ST3GAL2: variants seen among roughly 807,000 people sequenced by gnomAD.
The protein encoded by ST3GAL2 is CMP-N-acetylneuraminate-beta-galactosamide-alpha-2,3-sialyltransferase 2.
Under a neutral mutation model 37.5 loss-of-function variants are expected in ST3GAL2, and 16 were observed. The observed-to-expected ratio is 0.43, with a 90% confidence interval of 0.29 to 0.65. The LOEUF (loss-of-function observed/expected upper bound fraction) is 0.65. Among genes scored for constraint, ST3GAL2 ranks in the 30% least tolerant of loss-of-function variants. The pLI is 0.17. For synonymous variants in ST3GAL2, 238 were observed against 202.9 expected (o/e 1.17, Z -1.47); for missense variants, 383 against 487.8 (o/e 0.79, Z 2.02).
intron 1 of ST3GAL2, among the ~76,000 whole-genome samples, chr16:70,424,501 TGA>T (rs953703268): frequency 2.0e-5 from 3 of 151,670 alleles, no homozygotes; most frequent in Admixed American, 6.6e-5. Flanking sequence ...CTCGGGAGGC[TGA>T]GACAGGAGAA....
rs940676263 is a variant in ST3GAL2 at position 70,394,886 on chromosome 16, G to A, written c.533+96C>T. ...GGCAGGGCCCCACAGCACACCGGTA[G>A]CTGGCAGCATGCACCCTGCCAGACA... On this transcript the variant is annotated intron_variant, in intron 3 of 6. Coordinates refer to ENST00000342907, the MANE Select transcript of ST3GAL2 (RefSeq NM_006927.4). The A allele has an allele frequency of 1.0e-5, 14 of 1,380,594 alleles. No homozygotes were observed. The Admixed American group carries it at 2.9e-4, about 28-fold the overall frequency. The allele number at this position is 1,380,594 out of a possible 1,614,324, so 85.5% of individuals were successfully genotyped here. A position where few individuals can be genotyped will look rare whatever the true frequency, so the allele number is the denominator to read the frequency against.
intron 2 of ST3GAL2, among the ~76,000 whole-genome samples, chr16:70,397,338 G>A (rs189117812): frequency 1.1e-4 from 16 of 151,758 alleles, no homozygotes; most frequent in South Asian, 8.3e-4. Context: ...ACCATGACCG[G>A]CCTTCCCTAC....
intron 1 of ST3GAL2, among the ~76,000 whole-genome samples, chr16:70,417,227 C>T (rs1247452336): frequency 6.6e-6 from 1 of 152,176 alleles, no homozygotes; most frequent in African/African-American, 2.4e-5. Flanking sequence ...TGCAGGAGCC[C>T]CATGGCATCA....
At chr16:70,416,167 T>A (rs746984748) in intron 1 of ST3GAL2, among the ~76,000 whole-genome samples, 9 of 152,178 alleles carry the variant, frequency 5.9e-5, no homozygotes, top group Non-Finnish European at 8.8e-5. Context: ...TGACCACCAC[T>A]GTGATTTCCA....
In ST3GAL2 at chr16:70,398,176, G is replaced by A; in HGVS notation, c.339+16C>T. 6.2e-7 allele frequency: 1 copy of A among 1,606,558 alleles called. No homozygotes were observed. The highest frequency in any genetic ancestry group is 8.5e-7 in the Non-Finnish European group (1 of 1,174,812). On this transcript the variant is annotated intron_variant, in intron 2 of 6. Transcript: ENST00000342907. ...AACTGGGGGACAGATCCCTGGAAGG[G>A]AGCAGCAGCTCTTACCATCCACCAC...
chr16:70,383,011 G>A, intron 5 of ST3GAL2, 87 bp from the exon 6 acceptor site: 1 of 1,586,270 alleles, frequency 6.3e-7, no homozygotes, highest in East Asian at 2.3e-5. Context: ...GTCTATGCCT[G>A]TCAGAGACCT....
chr16:70,402,283 CAAAAA>C (rs1042560583), intron 1 of ST3GAL2, among the ~76,000 whole-genome samples: 3 of 40,714 alleles, frequency 7.4e-5, no homozygotes, highest in African/African-American at 2.0e-4. Context: ...AACTATTTCT[CAAAAA>C]AAAAAAAAAA....
intron 1 of ST3GAL2, among the ~76,000 whole-genome samples, chr16:70,408,219 ATGAC>A (rs1228685391): frequency 1.3e-5 from 2 of 152,154 alleles, no homozygotes; most frequent in African/African-American, 4.8e-5. Flanking sequence ...GCCAGGTCTG[ATGAC>A]TTCAAGCCCA....
At chr16:70,418,225 C>T (rs1458773406) in intron 1 of ST3GAL2, among the ~76,000 whole-genome samples, 2 of 152,212 alleles carry the variant, frequency 1.3e-5, no homozygotes, top group Admixed American at 6.5e-5. Flanking sequence ...CTTTTTCCTA[C>T]GGCCTGGTGG....
intron 1 of ST3GAL2, among the ~76,000 whole-genome samples, chr16:70,409,155 C>T (rs994444507): frequency 4.6e-5 from 7 of 152,032 alleles, no homozygotes; most frequent in Non-Finnish European, 1.5e-5. Context: ...AAACAGTTCT[C>T]GGCTGGTTGT....
In ST3GAL2 at chr16:70,414,496, G is replaced by A. The variant is rs981640536; in HGVS notation, c.-1003-14963C>T. On this transcript the variant is annotated intron_variant, in intron 1 of 6. Coordinates refer to ENST00000342907, the MANE Select transcript of ST3GAL2 (RefSeq NM_006927.4). ...ACCTGACTAGTGAAAACTGCACACT[G>A]GCCATACAAACACCCCTGATGGAAG... Among the ~76,000 whole-genome samples the A allele has an allele frequency of 9.2e-5, 14 of 152,306 alleles. 1 individual carries two copies. Among genetic ancestry groups the A allele is most frequent in the Admixed American group, 2.0e-4 (3 of 15,294 alleles).
In ST3GAL2 at chr16:70,379,161, T is replaced by A. The variant is rs779308973; in HGVS notation, c.*2528A>T. 1.3e-5 allele frequency: 2 copies of A among 152,182 alleles called. No individual in the cohort carries two copies. The highest frequency in any genetic ancestry group is 2.9e-5 in the Non-Finnish European group (2 of 68,060). 9.4% of individuals were successfully genotyped at this position (152,182 alleles called of 1,614,324 possible). A position where few individuals can be genotyped will look rare whatever the true frequency, so the allele number is the denominator to read the frequency against. ...GTGGCCACCCAAATGTATCGGAGCC[T>A]GATGGATACCTGGAGACATCATGTT... On this transcript the variant is annotated 3_prime_UTR_variant, in exon 7 of 7. Coordinates refer to ENST00000342907, the MANE Select transcript of ST3GAL2 (RefSeq NM_006927.4).
rs536116693 is a variant in ST3GAL2 at position 70,379,315 on chromosome 16, T to C, written c.*2374A>G. On this transcript the variant is annotated 3_prime_UTR_variant, in exon 7 of 7. Coordinates refer to ENST00000342907, the MANE Select transcript of ST3GAL2 (RefSeq NM_006927.4). ...AGCTGATTTTTAACCAAAATGCTTG[T>C]ACCCGCTCAGATTTCAGTGTCTTGG... 1 of 152,340 alleles carries C rather than the reference T, an allele frequency of 6.6e-6. No individual in the cohort carries two copies. The highest frequency in any genetic ancestry group is 1.9e-4 in the East Asian group (1 of 5,178). 9.4% of individuals were successfully genotyped at this position (152,340 alleles called of 1,614,324 possible).
intron 6 of ST3GAL2, among the ~76,000 whole-genome samples, chr16:70,382,236 G>C (rs2047411472): frequency 1.3e-5 from 2 of 151,818 alleles, no homozygotes; most frequent in South Asian, 4.2e-4. Context: ...GGGGGCAGTC[G>C]TCCAGCTGAA....
intron 1 of ST3GAL2, among the ~76,000 whole-genome samples, chr16:70,413,226 G>T (rs1256382911): frequency 6.6e-6 from 1 of 150,890 alleles, no homozygotes; most frequent in Non-Finnish European, 1.5e-5. Flanking sequence ...CTCCAGCCTG[G>T]GCAACAAGAG....
intron 1 of ST3GAL2, among the ~76,000 whole-genome samples, chr16:70,435,424 C>T (rs2047818244): frequency 6.6e-6 from 1 of 151,926 alleles, no homozygotes; most frequent in Non-Finnish European, 1.5e-5. Context: ...GGAGAAACTC[C>T]ATCTCTACTA....
At position 70,376,823 on chromosome 16, in the gene ST3GAL2, A is replaced by G. The variant is rs187537457; in HGVS notation, c.*4866T>C. ...AGTGGCTCAATCTCGGCTCACCACA[A>G]CTTCCACCTCCCAGGTTCAAGCAAT... is the stretch of plus-strand genomic sequence containing the variant. On this transcript the variant is annotated 3_prime_UTR_variant, in exon 7 of 7. Transcript: ENST00000342907. The G allele has an allele frequency of 1.3e-5, 2 of 151,742 alleles. No individual in the cohort carries two copies. Among genetic ancestry groups the G allele is most frequent in the Admixed American group, 1.3e-4 (2 of 15,202 alleles). 9.4% of individuals were successfully genotyped at this position (151,742 alleles called of 1,614,324 possible).
intron 1 of ST3GAL2, among the ~76,000 whole-genome samples, chr16:70,426,181 C>CG (rs2047748745): frequency 1.0e-5 from 1 of 99,512 alleles, no homozygotes; most frequent in African/African-American, 3.8e-5. Flanking sequence ...GGGCCAAAGC[C>CG]TTTTTTTTTT....
chr16:70,433,563 G>C (rs1362135911), intron 1 of ST3GAL2, among the ~76,000 whole-genome samples: 1 of 152,110 alleles, frequency 6.6e-6, no homozygotes, highest in Non-Finnish European at 1.5e-5. Flanking sequence ...CACGGCCCAG[G>C]CTGGGCCAAC....
Sources: gnomAD v4.1 joint callset for allele counts (sites outside exome capture counted in the v4.1 genomes callset) on GRCh38, gnomAD v4.1.1 for gene constraint, MANE v1.5 for transcripts, NCBI Gene and HGNC (gene_info 2026-07-23, HGNC 2026-07-21) for gene names.